Variants in GLRA1 observed in about 807,000 individuals in gnomAD.
The protein encoded by GLRA1 is glycine receptor alpha 1, also known as glycine receptor subunit alpha-1.
In GLRA1, 37 loss-of-function variants were observed where a neutral mutation model predicts 48.3. The observed-to-expected ratio is 0.77, with a 90% confidence interval of 0.59 to 1.01. The LOEUF (loss-of-function observed/expected upper bound fraction) is 1.01. Ranked by LOEUF, GLRA1 falls within the 50% of genes least tolerant of loss-of-function variation. The pLI is 0.00. For synonymous variants in GLRA1, 196 were observed against 210.7 expected (o/e 0.93, Z 0.60); for missense variants, 427 against 571.0 (o/e 0.75, Z 2.57).
intron 7 of GLRA1, among the ~76,000 whole-genome samples, chr5:151,834,725 G>T (rs1015429298): frequency 1.1e-4 from 16 of 152,182 alleles, no homozygotes; most frequent in Non-Finnish European, 1.9e-4. Context: ...TAGACTGCTA[G>T]CCAGCCTAAT....
At chr5:151,917,521 A>G (rs756850444) in intron 1 of GLRA1, among the ~76,000 whole-genome samples, 4 of 152,218 alleles carry the variant, frequency 2.6e-5, no homozygotes, top group Non-Finnish European at 4.4e-5. Flanking sequence ...ACAAGTATAT[A>G]CTCATGAAAC....
chr5:151,839,631 A>T (rs1273379832), intron 7 of GLRA1, among the ~76,000 whole-genome samples: 1 of 152,148 alleles, frequency 6.6e-6, no homozygotes, highest in Non-Finnish European at 1.5e-5. Context: ...CCTATGAGGA[A>T]GTGATTAGGT....
intron 7 of GLRA1, among the ~76,000 whole-genome samples, chr5:151,847,707 C>T (rs1028058273): frequency 2.0e-5 from 3 of 146,530 alleles, no homozygotes; most frequent in Non-Finnish European, 3.0e-5. Context: ...GCTTGGGCAA[C>T]GGAGTGAGAC....
chr5:151,877,903 C>T (rs538838333), intron 3 of GLRA1, among the ~76,000 whole-genome samples: 40 of 152,270 alleles, frequency 2.6e-4, no homozygotes, highest in Middle Eastern at 3.4e-3. Context: ...TGGACTAATA[C>T]AGTAAATTGG....
chr5:151,872,412 G>A (rs1259146078), intron 3 of GLRA1, among the ~76,000 whole-genome samples: 1 of 149,598 alleles, frequency 6.7e-6, no homozygotes, highest in Admixed American at 6.6e-5. Flanking sequence ...TAATACCTTG[G>A]GTTGGCAAGG....
In GLRA1 at chr5:151,822,840, G is replaced by A; in HGVS notation, c.1183C>T (p.Pro395Ser). 1 of 1,614,172 alleles carries A rather than the reference G, an allele frequency of 6.2e-7. No individual in the cohort carries two copies. The highest frequency in any genetic ancestry group is 8.5e-7 in the Non-Finnish European group (1 of 1,180,022). ...ANNSNTTNPP[P>S]APSKSPEEMR... Reference sequence around the variant, plus strand: ...TCCTCTGGGGACTTAGATGGTGCAGGAGGGGGGTTGGTGGTGTTACTGTTG... The same window carrying A: ...TCCTCTGGGGACTTAGATGGTGCAGAAGGGGGGTTGGTGGTGTTACTGTTG... Residue 395 changes from proline (P) to serine (S), a missense_variant, in exon 9 of 9, where the codon CCT becomes TCT. Physicochemically the swap from Pro to Ser is moderately conservative, Grantham distance 74. Around this residue, in one of 4 missense-constraint regions of GLRA1, gnomAD observed 121 missense variants for 96.5 expected, o/e 1.25. Transcript: ENST00000274576.
At position 151,856,434 on chromosome 5, in the gene GLRA1, C is replaced by G. The variant is rs139423057; in HGVS notation, c.477-51G>C. On this transcript the variant is annotated intron_variant, in intron 4 of 8. Transcript: ENST00000274576. The stretch of plus-strand genomic sequence containing the variant: ...ATGCAGGATCTGCACATCAGGGAGG[C>G]TGTGCCTCTATTCTAGTTATTGTTA... The G allele has an allele frequency of 2.3e-4, 268 of 1,168,598 alleles. 1 individual carries two copies. In the East Asian group the frequency reaches 6.2e-3, roughly 27 times the overall value. 72.4% of individuals were successfully genotyped at this position (1,168,598 alleles called of 1,614,324 possible).
intron 1 of GLRA1, among the ~76,000 whole-genome samples, chr5:151,907,620 T>C (rs1754507233): frequency 6.6e-6 from 1 of 152,252 alleles, no homozygotes; most frequent in Non-Finnish European, 1.5e-5. Context: ...TGCCCAGCAC[T>C]GTGCCATATG....
intron 3 of GLRA1, among the ~76,000 whole-genome samples, chr5:151,882,352 G>A: frequency 6.6e-6 from 1 of 152,190 alleles, no homozygotes; most frequent in East Asian, 1.9e-4. Context: ...TATGGGGGTT[G>A]TTATCAAGCC....
rs1753149870 is a variant in GLRA1, at chr5:151,859,892, T to A, written c.369A>T (p.Lys123Asn). 1 of 1,613,914 alleles carries A rather than the reference T, an allele frequency of 6.2e-7. No homozygotes were observed. Among genetic ancestry groups the A allele is most frequent in the Non-Finnish European group, 8.5e-7 (1 of 1,179,954 alleles). Residue 123 changes from lysine to asparagine, a missense_variant, in exon 4 of 9, where the codon AAA becomes AAT. By Grantham distance (94) the Lys-to-Asn change is moderately conservative. Transcript: ENST00000274576. The part of the protein sequence containing the change: ...LDPSMLDSIW[K>N]PDLFFANEKG... ...TCTCGTTGGCAAAGAACAGGTCAGGTTTCCAGATGGAGTCCAGCATGGATG... is the reference window on the plus strand; with the variant it reads ...TCTCGTTGGCAAAGAACAGGTCAGGATTCCAGATGGAGTCCAGCATGGATG...
chr5:151,862,017 C>G (rs1340224478), intron 3 of GLRA1, among the ~76,000 whole-genome samples: 8 of 152,196 alleles, frequency 5.3e-5, no homozygotes, highest in Non-Finnish European at 1.2e-4. Context: ...ATCACGCTAC[C>G]TGACTTCAAA....
intron 3 of GLRA1, among the ~76,000 whole-genome samples, chr5:151,884,665 G>C (rs1753851628): frequency 6.6e-6 from 1 of 152,154 alleles, no homozygotes; most frequent in African/African-American, 2.4e-5. Context: ...TTAGGAATCT[G>C]TATGAAGGAA....
intron 3 of GLRA1, among the ~76,000 whole-genome samples, chr5:151,870,837 A>C (rs771201703): frequency 6.7e-6 from 1 of 149,738 alleles, no homozygotes; most frequent in Non-Finnish European, 1.5e-5. Flanking sequence ...GTTATGTTAA[A>C]AGCAACTTTT....
At chr5:151,861,054 A>G (rs1379434647) in intron 3 of GLRA1, among the ~76,000 whole-genome samples, 1 of 152,044 alleles carries the variant, frequency 6.6e-6, no homozygotes. Flanking sequence ...AAGGACATGC[A>G]CTCATCCTTT....
At chr5:151,903,463 C>T (rs1006134071) in intron 1 of GLRA1, among the ~76,000 whole-genome samples, 1 of 152,112 alleles carries the variant, frequency 6.6e-6, no homozygotes, top group African/African-American at 2.4e-5. Flanking sequence ...TGTTGATTCC[C>T]TTGAATCCTC....
rs900375881 is a variant in GLRA1 at position 151,839,211 on chromosome 5, G to A, written c.913-10144C>T. On this transcript the variant is annotated intron_variant, in intron 7 of 8. Coordinates refer to ENST00000274576, the MANE Select transcript of GLRA1 (RefSeq NM_000171.4). ...GGTAAACAAAAGCTGAGAGACTTCC[G>A]CTAGCAGATCTGTCCTACAAGAAAT... Among the ~76,000 whole-genome samples, 10 of 152,266 alleles carry A rather than the reference G, an allele frequency of 6.6e-5. 1 individual carries two copies. The Middle Eastern group carries it at 0.014, about 207-fold the overall frequency.
intron 4 of GLRA1, among the ~76,000 whole-genome samples, chr5:151,857,922 AG>A (rs1753091576): frequency 6.6e-6 from 1 of 152,246 alleles, no homozygotes; most frequent in South Asian, 2.1e-4. Context: ...AGAGAGGGAT[AG>A]GTTGAGAGTC....
intron 1 of GLRA1, among the ~76,000 whole-genome samples, chr5:151,921,747 C>T (rs1468393214): frequency 6.6e-6 from 1 of 152,156 alleles, no homozygotes; most frequent in African/African-American, 2.4e-5. Flanking sequence ...GGCTACAGGG[C>T]CCCATTCTCA....
chr5:151,885,787 G>A (rs1753888028), intron 3 of GLRA1, among the ~76,000 whole-genome samples: 1 of 152,198 alleles, frequency 6.6e-6, no homozygotes, highest in South Asian at 2.1e-4. Context: ...AGGGTGATGG[G>A]GAGCCATAGG....
Sources: gnomAD v4.1 joint callset for allele counts (sites outside exome capture counted in the v4.1 genomes callset) on GRCh38, gnomAD v4.1.1 for gene constraint, gnomAD v4.1.1 regional missense constraint, MANE v1.5 for transcripts, NCBI Gene and HGNC (gene_info 2026-07-23, HGNC 2026-07-21) for gene names.